NAMPT: variants seen among roughly 807,000 people sequenced by gnomAD.
NAMPT encodes NAmPRTase.
NAMPT carries 7 observed loss-of-function variants against 58.7 expected under a neutral mutation model. That is an observed-to-expected ratio of 0.12 (90% CI 0.07 to 0.22). The LOEUF is 0.22. Among genes scored for constraint, NAMPT ranks in the 10% least tolerant of loss-of-function variants. NAMPT has a pLI of 1.00. For missense variants in NAMPT, 271 were observed against 567.9 expected (o/e 0.48, Z 5.31); for synonymous variants, 145 against 198.1 (o/e 0.73, Z 2.25).
chr7:106,263,265 T>C lies in NAMPT; in HGVS notation c.969+127A>G. The C allele has an allele frequency of 8.8e-6, 6 of 680,762 alleles. 1 individual carries two copies. The South Asian group carries it at 1.2e-4, about 13-fold the overall frequency. The allele number at this position is 680,762 out of a possible 1,614,324, so 42.2% of individuals were successfully genotyped here. A position where few individuals can be genotyped will look rare whatever the true frequency, so the allele number is the denominator to read the frequency against. On this transcript the variant is annotated intron_variant, in intron 7 of 10. Transcript: ENST00000222553. ...GGCAAATCTATTACTCTCTCTGGGC[T>C]GCAACTCTAAAATAAAGGGGACTGG...
intron 10 of NAMPT, among the ~76,000 whole-genome samples, chr7:106,252,125 T>C (rs747222702): frequency 3.9e-5 from 6 of 152,168 alleles, no homozygotes; most frequent in Non-Finnish European, 7.4e-5. Flanking sequence ...TATTCTACTA[T>C]CATTCACATA....
At chr7:106,259,383 A>G (rs965311093) in intron 8 of NAMPT, among the ~76,000 whole-genome samples, 1 of 152,168 alleles carries the variant, frequency 6.6e-6, no homozygotes, top group Admixed American at 6.6e-5. Flanking sequence ...ATGTTCTTAA[A>G]TGGCATCTAG....
chr7:106,275,118 A>G, intron 2 of NAMPT, 69 bp from the exon 3 acceptor site: 1 of 948,830 alleles, frequency 1.1e-6, no homozygotes, highest in Non-Finnish European at 1.6e-6. Context: ...ACTGTCACAG[A>G]CTTAATATCT....
intron 1 of NAMPT, among the ~76,000 whole-genome samples, chr7:106,284,044 CAT>C (rs888347239): frequency 6.6e-6 from 1 of 152,252 alleles, no homozygotes; most frequent in African/African-American, 2.4e-5. Flanking sequence ...TCCCTCTCCA[CAT>C]GTTCTCTAGG....
Position 106,269,302 on chromosome 7 carries a change from A to G in NAMPT, c.458T>C (p.Val153Ala), listed in dbSNP as rs1792485202. Residue 153 changes from valine to alanine, a missense_variant, in exon 5 of 11, where the codon GTT (valine) becomes GCT (alanine). By Grantham distance (64) the Val-to-Ala change is moderately conservative. Around this residue, in one of 4 missense-constraint regions of NAMPT, gnomAD observed 103 missense variants for 194.2 expected, o/e 0.53. Transcript: ENST00000222553. ...CACTGTGATTGGATACCAGGACTGAACAAGAATAGTCTGTAGTAACAAAAT... is the reference window on the plus strand; with the variant it reads ...CACTGTGATTGGATACCAGGACTGAGCAAGAATAGTCTGTAGTAACAAAAT... ...WLTNWIETIL[V>A]QSWYPITVAT... is the part of the protein sequence containing the mutation. The G allele has an allele frequency of 1.1e-5, 18 of 1,613,022 alleles. No individual in the cohort carries two copies. The highest frequency in any genetic ancestry group is 1.5e-5 in the Non-Finnish European group (18 of 1,179,092).
intron 10 of NAMPT, 62 bp downstream of exon 10, chr7:106,252,955 C>T: frequency 6.4e-7 from 1 of 1,553,508 alleles, no homozygotes; most frequent in African/African-American, 1.4e-5. Flanking sequence ...AACCTCCTTT[C>T]TTATTAATTT....
At chr7:106,255,891 G>A (rs893039736) in intron 8 of NAMPT, among the ~76,000 whole-genome samples, 4 of 152,154 alleles carry the variant, frequency 2.6e-5, no homozygotes, top group Admixed American at 2.0e-4. Flanking sequence ...AGAGAAAATA[G>A]TTTCTGACCT....
Position 106,284,906 on chromosome 7 carries a change from CGCGCGCCGCGAGCTCCCTG to C in NAMPT, c.-41_-23del. ...TCATCTCGGGCCGGAGGACAGGGGCCGCGCGCCGCGAGCTCCCTGGCGCGGCTGCGAGGAAGGAGAAAAA... is the reference window on the plus strand; with the variant it reads ...TCATCTCGGGCCGGAGGACAGGGGCCGCGCGGCTGCGAGGAAGGAGAAAAA... On this transcript the variant is annotated 5_prime_UTR_variant, in exon 1 of 11. Coordinates refer to ENST00000222553, the MANE Select transcript of NAMPT (RefSeq NM_005746.3). 6.4e-7 allele frequency: 1 copy of C among 1,574,646 alleles called. No homozygotes were observed.
intron 6 of NAMPT, among the ~76,000 whole-genome samples, chr7:106,267,362 A>G (rs556787368): frequency 1.4e-4 from 22 of 152,348 alleles, no homozygotes; most frequent in Middle Eastern, 3.4e-3. Context: ...ACTGCCTTGC[A>G]TATGAACACC....
intron 6 of NAMPT, among the ~76,000 whole-genome samples, chr7:106,264,122 G>C (rs1419298998): frequency 6.6e-6 from 1 of 151,800 alleles, no homozygotes; most frequent in East Asian, 1.9e-4. Context: ...ATACTTAGAG[G>C]CAATTATTTA....
intron 1 of NAMPT, chr7:106,284,541 C>A (rs1019229125): frequency 6.1e-6 from 1 of 163,566 alleles, no homozygotes; most frequent in African/African-American, 2.4e-5. Context: ...GCCCGGGAGT[C>A]CGCTGGGGCC....
At chr7:106,272,702 C>G in intron 3 of NAMPT, 44 bp from the exon 4 acceptor site, 1 of 1,599,490 alleles carries the variant, frequency 6.3e-7, no homozygotes, top group East Asian at 2.2e-5. Context: ...ACAGATGATA[C>G]TCAATTCCCT....
Position 106,251,121 on chromosome 7 carries a change from C to T in NAMPT, c.1438G>A (p.Ala480Thr). ...SYSFDEIRKN[A>T]QLNIELEAAH... is the part of the protein sequence containing the mutation. ...GCTTCCAGTTCAATATTCAGCTGTGCATTTTTTCTTATTTCATCAAATGAA... is the reference window on the plus strand; with the variant it reads ...GCTTCCAGTTCAATATTCAGCTGTGTATTTTTTCTTATTTCATCAAATGAA... Residue 480 changes from alanine (A) to threonine (T), a missense_variant, in exon 11 of 11, where the codon GCA (alanine) becomes ACA (threonine). Physicochemically the swap from Ala to Thr is moderately conservative, Grantham distance 58 (BLOSUM62 0). Transcript: ENST00000222553. 1 of 1,600,436 alleles carries T rather than the reference C, an allele frequency of 6.2e-7. No homozygotes were observed. Among genetic ancestry groups the T allele is most frequent in the Non-Finnish European group, 8.6e-7 (1 of 1,167,976 alleles).
chr7:106,269,878 T>C (rs1433796713), intron 4 of NAMPT, among the ~76,000 whole-genome samples: 2 of 152,230 alleles, frequency 1.3e-5, no homozygotes, highest in Non-Finnish European at 2.9e-5. Flanking sequence ...TGGATTAATA[T>C]GACAACTAAT....
In NAMPT at chr7:106,284,775, C is replaced by G. The variant is rs1792837692; in HGVS notation, c.57+53G>C. Reference sequence around the variant, plus strand: ...GCCGCCCCCGCCCCCCTGCCGCGCGCTCGTCCCCAGCGCGCCCCGCTCCTC... The same window carrying G: ...GCCGCCCCCGCCCCCCTGCCGCGCGGTCGTCCCCAGCGCGCCCCGCTCCTC... On this transcript the variant is annotated intron_variant, in intron 1 of 10. Transcript: ENST00000222553. 7.9e-6 allele frequency: 11 copies of G among 1,400,426 alleles called. No individual in the cohort carries two copies. The South Asian group carries it at 1.6e-4, about 20-fold the overall frequency. The allele number at this position is 1,400,426 out of a possible 1,614,324, so 86.7% of individuals were successfully genotyped here. A position where few individuals can be genotyped will look rare whatever the true frequency, so the allele number is the denominator to read the frequency against.
intron 8 of NAMPT, among the ~76,000 whole-genome samples, chr7:106,255,012 TCTC>T (rs1456396834): frequency 1.3e-5 from 2 of 152,140 alleles, no homozygotes; most frequent in Non-Finnish European, 2.9e-5. Context: ...ATAAAATACT[TCTC>T]CTATATAACA....
chr7:106,265,059 G>T (rs1272777832), intron 6 of NAMPT, among the ~76,000 whole-genome samples: 1 of 152,074 alleles, frequency 6.6e-6, no homozygotes, highest in African/African-American at 2.4e-5. Flanking sequence ...AGCTACAGAG[G>T]CTGCCAGTAG....
intron 8 of NAMPT, among the ~76,000 whole-genome samples, chr7:106,258,013 C>T (rs755800117): frequency 1.2e-4 from 18 of 152,216 alleles, no homozygotes; most frequent in Admixed American, 2.6e-4. Flanking sequence ...AAGGGGAAAA[C>T]GGCAATTAGG....
At chr7:106,284,735 C>A (rs1295191131) in intron 1 of NAMPT, 93 bp downstream of exon 1, 1 of 772,706 alleles carries the variant, frequency 1.3e-6, no homozygotes, top group East Asian at 4.7e-5. Context: ...AGCCCCAGCC[C>A]CAACCCCAGC....
Sources: allele counts gnomAD v4.1 joint callset (sites outside exome capture counted in the v4.1 genomes callset), GRCh38; gene constraint gnomAD v4.1.1; regional missense constraint gnomAD v4.1.1; transcripts MANE v1.5; gene names NCBI Gene and HGNC (gene_info 2026-07-23, HGNC 2026-07-21).